Variants in EEPD1 observed in about 807,000 individuals in gnomAD.
EEPD1 encodes endonuclease/exonuclease/phosphatase family domain containing 1, also known as endonuclease/exonuclease/phosphatase family domain-containing protein 1.
EEPD1 carries 17 observed loss-of-function variants against 46.3 expected under a neutral mutation model. The observed-to-expected ratio is 0.37, with a 90% confidence interval of 0.25 to 0.55. The LOEUF (loss-of-function observed/expected upper bound fraction) is 0.55. Among genes scored for constraint, EEPD1 ranks in the 20% least tolerant of loss-of-function variants. EEPD1 has a pLI of 0.83. For missense variants in EEPD1, 673 were observed against 745.6 expected, an observed-to-expected ratio of 0.90 and a Z score of 1.13; for synonymous variants, 313 against 315.6, an observed-to-expected ratio of 0.99 and a Z score of 0.09.
At chr7:36,258,074 G>A (rs995317471) in intron 3 of EEPD1, among the ~76,000 whole-genome samples, 2 of 152,148 alleles carry the variant, frequency 1.3e-5, no homozygotes, top group African/African-American at 2.4e-5. Context: ...TGCTTGTAAT[G>A]TCAGGCCCCT....
intron 2 of EEPD1, among the ~76,000 whole-genome samples, chr7:36,226,631 C>G (rs1786236098): frequency 6.6e-6 from 1 of 152,162 alleles, no homozygotes; most frequent in African/African-American, 2.4e-5. Flanking sequence ...GAAATAAATA[C>G]ACAGGGTGCT....
At position 36,234,023 on chromosome 7, in the gene EEPD1, T is replaced by G. The variant is rs540509956; in HGVS notation, c.879-4962T>G. 4.6e-5 allele frequency among the ~76,000 whole-genome samples: 7 copies of G among 152,350 alleles called. No homozygotes were observed. In the South Asian group the frequency reaches 8.3e-4, roughly 18 times the overall value. On this transcript the variant is annotated intron_variant, in intron 2 of 7. Transcript: ENST00000242108. The stretch of plus-strand genomic sequence containing the variant: ...ACCTCTGCTTTCCAGGCTTAAGCGA[T>G]TCTCCCACCTCAGCCTCCTGAGTAG...
At chr7:36,162,878 G>A (rs1024958987) in intron 2 of EEPD1, among the ~76,000 whole-genome samples, 7 of 152,138 alleles carry the variant, frequency 4.6e-5, no homozygotes, top group Admixed American at 3.3e-4. Flanking sequence ...TGTTCCCATT[G>A]CCACATTTAA....
intron 2 of EEPD1, among the ~76,000 whole-genome samples, chr7:36,236,221 C>T (rs1786436064): frequency 6.6e-6 from 1 of 152,238 alleles, no homozygotes; most frequent in African/African-American, 2.4e-5. Flanking sequence ...CCGGCGGCTG[C>T]GCTGTGAGGG....
chr7:36,195,246 T>C (rs900569797), intron 2 of EEPD1, among the ~76,000 whole-genome samples: 2 of 152,076 alleles, frequency 1.3e-5, no homozygotes, highest in African/African-American at 4.8e-5. Flanking sequence ...AGGGGGAGCA[T>C]GCGGGATTTA....
chr7:36,222,968 T>C (rs970422450), intron 2 of EEPD1, among the ~76,000 whole-genome samples: 4 of 152,026 alleles, frequency 2.6e-5, no homozygotes, highest in African/African-American at 9.7e-5. Context: ...CTGGCCAACA[T>C]GGCAAAACCC....
chr7:36,218,664 T>C (rs927321764), intron 2 of EEPD1, among the ~76,000 whole-genome samples: 1 of 152,224 alleles, frequency 6.6e-6, no homozygotes, highest in African/African-American at 2.4e-5. Context: ...TTAATATTTT[T>C]GGACTGTGAT....
intron 3 of EEPD1, among the ~76,000 whole-genome samples, chr7:36,272,866 G>A (rs1017946999): frequency 6.6e-6 from 1 of 152,240 alleles, no homozygotes; most frequent in African/African-American, 2.4e-5. Context: ...GGCTTCTCTT[G>A]ACAAGGAAGG....
intron 2 of EEPD1, among the ~76,000 whole-genome samples, chr7:36,233,295 G>A (rs994937482): frequency 3.9e-5 from 6 of 152,224 alleles, no homozygotes; most frequent in African/African-American, 9.6e-5. Flanking sequence ...CATAATTCAC[G>A]TAGTACCTTT....
intron 2 of EEPD1, among the ~76,000 whole-genome samples, chr7:36,167,574 C>G: frequency 6.6e-6 from 1 of 152,106 alleles, no homozygotes; most frequent in East Asian, 1.9e-4. Flanking sequence ...ACTGCCACCC[C>G]CACGCAGCAG....
intron 3 of EEPD1, among the ~76,000 whole-genome samples, chr7:36,253,350 GGGACAGCCTAACATAA>G: frequency 6.6e-6 from 1 of 152,254 alleles, no homozygotes; most frequent in East Asian, 1.9e-4. Context: ...AGGCATGTTA[GGGACAGCCTAACATAA>G]GGTCTGTCCC....
In EEPD1 at chr7:36,175,598, C is replaced by T. The variant is rs151052737; in HGVS notation, c.878+20396C>T. 4.2e-3 allele frequency among the ~76,000 whole-genome samples: 644 copies of T among 151,956 alleles called. 8 individuals are homozygous for T. Among genetic ancestry groups the T allele is most frequent in the African/African-American group, 0.015 (622 of 41,400 alleles). ...TTAGTTGACATTTTGGGCCAGATGA[C>T]TGTTGTAGGGGCTGGCCTGTGTTTT... On this transcript the variant is annotated intron_variant, in intron 2 of 7. Transcript: ENST00000242108.
intron 2 of EEPD1, among the ~76,000 whole-genome samples, chr7:36,179,257 A>G (rs917087335): frequency 6.6e-6 from 1 of 151,998 alleles, no homozygotes; most frequent in Non-Finnish European, 1.5e-5. Flanking sequence ...CACAACTTCT[A>G]TTTGTGTGTA....
intron 5 of EEPD1, 163 bp from the exon 6 acceptor site, chr7:36,287,476 G>A (rs1484023121): frequency 6.4e-6 from 7 of 1,094,148 alleles, no homozygotes; most frequent in Non-Finnish European, 2.5e-6. Context: ...TGGAAAAATC[G>A]AAGATGAAAG....
intron 2 of EEPD1, among the ~76,000 whole-genome samples, chr7:36,162,187 T>C (rs569875585): frequency 6.6e-6 from 1 of 152,294 alleles, no homozygotes; most frequent in South Asian, 2.1e-4. Flanking sequence ...TCACCCTCCT[T>C]CTCATGAGTG....
intron 3 of EEPD1, among the ~76,000 whole-genome samples, chr7:36,265,452 T>TA (rs1206682801): frequency 2.0e-5 from 3 of 152,208 alleles, no homozygotes; most frequent in Non-Finnish European, 2.9e-5. Context: ...CCCTGGGGTT[T>TA]AAAAAAATAA....
At chr7:36,284,285 A>C (rs992622045) in intron 4 of EEPD1, among the ~76,000 whole-genome samples, 2 of 152,216 alleles carry the variant, frequency 1.3e-5, no homozygotes, top group Non-Finnish European at 2.9e-5. Flanking sequence ...TAGTCTCAGC[A>C]TTGTGATCAG....
At chr7:36,221,246 T>C (rs1685105353) in intron 2 of EEPD1, among the ~76,000 whole-genome samples, 1 of 152,250 alleles carries the variant, frequency 6.6e-6, no homozygotes, top group Non-Finnish European at 1.5e-5. Flanking sequence ...GGAGCTCTGT[T>C]CCGTATCATC....
At chr7:36,293,976 G>T (rs1466162733) in intron 6 of EEPD1, among the ~76,000 whole-genome samples, 1 of 151,176 alleles carries the variant, frequency 6.6e-6, no homozygotes, top group Admixed American at 6.6e-5. Context: ...AAAAAAAAAA[G>T]TTTCAAAACT....
Sources: allele counts gnomAD v4.1 joint callset (sites outside exome capture counted in the v4.1 genomes callset), GRCh38; gene constraint gnomAD v4.1.1; transcripts MANE v1.5; gene names NCBI Gene and HGNC (gene_info 2026-07-23, HGNC 2026-07-21).